The following DNAH5 variants were observed in gnomAD, a reference collection of about 807,000 sequenced individuals.
The protein encoded by DNAH5 is axonemal beta dynein heavy chain 5.
Under a neutral mutation model 518.2 loss-of-function variants are expected in DNAH5, and 372 were observed. The ratio of observed to expected loss-of-function variants is 0.72; its 90% confidence interval spans 0.66 to 0.78. DNAH5 has a LOEUF of 0.78. DNAH5 is among the 30% of genes least tolerant of loss of function. DNAH5 has a pLI of 0.00. For missense variants in DNAH5, 5,523 were observed against 5,687.0 expected (o/e 0.97, Z 0.93); for synonymous variants, 2,039 against 2,025.9 (o/e 1.01, Z -0.17).
chr5:13,969,940 G>A (rs1781763474), intron 1 of DNAH5, among the ~76,000 whole-genome samples: 1 of 152,080 alleles, frequency 6.6e-6, no homozygotes, highest in South Asian at 2.1e-4. Context: ...CATTACTAAT[G>A]TCTACTAGTA....
chr5:13,798,548 TCTC>T, intron 47 of DNAH5, among the ~76,000 whole-genome samples: 1 of 151,928 alleles, frequency 6.6e-6, no homozygotes. Flanking sequence ...TAAAATAAAT[TCTC>T]CTTCTCTTAT....
intron 6 of DNAH5, among the ~76,000 whole-genome samples, chr5:13,920,264 A>G (rs1777106377): frequency 1.3e-5 from 2 of 152,374 alleles, no homozygotes; most frequent in Non-Finnish European, 1.5e-5. Context: ...TTTGAGTGAT[A>G]TAAGTATATG....
In DNAH5 at chr5:13,916,380, T is replaced by C. The variant is rs1305527957; in HGVS notation, c.1165A>G (p.Thr389Ala). The change falls in exon 9 of 79, where the codon ACC (threonine) becomes GCC (alanine). Residue 389 changes from threonine (T) to alanine (A), a missense_variant. This residue lies in a region of DNAH5 where 5,121 missense variants were observed against 5,223.3 expected (regional missense o/e 0.98). Transcript: ENST00000265104. ...MIYSISHYYNTSEKITSLFVK... is the reference protein window; with the variant it reads ...MIYSISHYYNASEKITSLFVK... ...AACAGAGATGTGATCTTCTCAGAGG[T>C]ATTATAGTAATGAGAGATACTATAG... 3 of 1,522,452 alleles carry C rather than the reference T, an allele frequency of 2.0e-6. No homozygotes were observed. Among genetic ancestry groups the C allele is most frequent in the Middle Eastern group, 1.7e-4 (1 of 5,848 alleles). 94.3% of individuals were successfully genotyped at this position (1,522,452 alleles called of 1,614,324 possible).
chr5:13,753,990 T>C (rs148171564), intron 62 of DNAH5, among the ~76,000 whole-genome samples: 5 of 152,172 alleles, frequency 3.3e-5, no homozygotes, highest in Admixed American at 6.6e-5. Context: ...TTCTCTGAAA[T>C]GGCTGGAGGC....
At chr5:13,766,751 C>T (rs1312830314) in intron 58 of DNAH5, among the ~76,000 whole-genome samples, 1 of 152,166 alleles carries the variant, frequency 6.6e-6, no homozygotes, top group Non-Finnish European at 1.5e-5. Context: ...AGAAAAGTTC[C>T]ATTCCATTTC....
At chr5:13,833,622 A>T (rs1333395901) in intron 35 of DNAH5, among the ~76,000 whole-genome samples, 1 of 152,132 alleles carries the variant, frequency 6.6e-6, no homozygotes, top group African/African-American at 2.4e-5. Context: ...GTCCAACACT[A>T]CACAGCTGCT....
At chr5:13,738,650 T>C (rs909535684) in intron 65 of DNAH5, among the ~76,000 whole-genome samples, 1 of 151,976 alleles carries the variant, frequency 6.6e-6, no homozygotes, top group Admixed American at 6.6e-5. Flanking sequence ...ACAGAAAAGA[T>C]GGAGGTGGTG....
At chr5:13,982,971 A>G (rs1426495123) in intron 1 of DNAH5, among the ~76,000 whole-genome samples, 2 of 152,232 alleles carry the variant, frequency 1.3e-5, no homozygotes, top group Admixed American at 6.5e-5. Flanking sequence ...AAAGGGGCAT[A>G]TCTGGTAGAT....
intron 78 of DNAH5, among the ~76,000 whole-genome samples, chr5:13,694,727 GT>G (rs796359749): frequency 2.0e-5 from 3 of 152,146 alleles, no homozygotes; most frequent in African/African-American, 7.2e-5. Context: ...CTATAGAATC[GT>G]TAAGTCATTC....
chr5:13,930,028 T>C (rs149690665), intron 2 of DNAH5, among the ~76,000 whole-genome samples: 1 of 152,214 alleles, frequency 6.6e-6, no homozygotes, highest in Admixed American at 6.5e-5. Flanking sequence ...GACCGACACA[T>C]GGTAAACATT....
At chr5:13,868,860 T>C (rs1306044774) in intron 24 of DNAH5, among the ~76,000 whole-genome samples, 1 of 151,936 alleles carries the variant, frequency 6.6e-6, no homozygotes, top group Admixed American at 6.6e-5. Flanking sequence ...GCTCATAATG[T>C]GTGTGTGTGT....
chr5:13,883,858 CA>C (rs1056779851), intron 19 of DNAH5, among the ~76,000 whole-genome samples: 11 of 147,952 alleles, frequency 7.4e-5, no homozygotes, highest in South Asian at 4.3e-4. Context: ...TGGCACCAAA[CA>C]AAAAAAAAAT....
intron 74 of DNAH5, 131 bp downstream of exon 74, chr5:13,716,356 C>T: frequency 1.4e-6 from 1 of 701,974 alleles, no homozygotes; most frequent in Non-Finnish European, 2.5e-6. Context: ...AGAAAGCCTT[C>T]ACAGCAAAAG....
intron 11 of DNAH5, 84 bp from the exon 12 acceptor site, chr5:13,911,577 T>A: frequency 1.9e-6 from 2 of 1,053,520 alleles, no homozygotes; most frequent in Non-Finnish European, 2.8e-6. Flanking sequence ...GTAGAGCCTA[T>A]ACAATAATTG....
rs74979572 is a variant in DNAH5, at chr5:13,986,104, C to A, written c.12+25544G>T. On this transcript the variant is annotated intron_variant, in intron 1 of 78. Coordinates refer to the DNAH5 transcript ENST00000681290. ...CCACCAGCAAGAGACCTGGAGACAT[C>A]CCCAGTAAGTGCAAAAGCTGGACAC... Among the ~76,000 whole-genome samples the A allele has an allele frequency of 3.6e-3, 554 of 152,304 alleles. 2 individuals carry two copies. The highest frequency in any genetic ancestry group is 5.9e-3 in the Non-Finnish European group (402 of 68,034).
In DNAH5 at chr5:13,699,622, G is replaced by A. The variant is rs562674777; in HGVS notation, c.13723+1018C>T. Among the ~76,000 whole-genome samples, 421 of 152,306 alleles carry A rather than the reference G, an allele frequency of 2.8e-3. 3 individuals are homozygous for A. Among genetic ancestry groups the A allele is most frequent in the Non-Finnish European group, 4.4e-3 (302 of 68,032 alleles). On this transcript the variant is annotated intron_variant, in intron 78 of 78. Coordinates refer to ENST00000265104, the MANE Select transcript of DNAH5 (RefSeq NM_001369.3). ...CCAGCTACTCAGGAGGCTGAGGCAG[G>A]AGAATCGCTTGAACTCAGGAGTTGG...
intron 11 of DNAH5, among the ~76,000 whole-genome samples, chr5:13,913,156 A>T (rs6881752): frequency 0.44 from 66,222 of 151,818 alleles, 15,222 homozygotes; most frequent in East Asian, 0.85. Flanking sequence ...TTTAAAGCAA[A>T]TTGTTTGTAA....
chr5:13,821,375 G>A (rs7712037), intron 40 of DNAH5, among the ~76,000 whole-genome samples: 62,796 of 152,050 alleles, frequency 0.41, 13,292 homozygotes, highest in East Asian at 0.61. Flanking sequence ...CCACTGCAGA[G>A]TTTCTATCTA....
intron 38 of DNAH5, among the ~76,000 whole-genome samples, chr5:13,825,875 C>CA (rs922229693): frequency 3.0e-4 from 45 of 151,710 alleles, no homozygotes; most frequent in Admixed American, 6.6e-4. Context: ...TTTACCACAA[C>CA]AAAAAAAATG....
Sources: gnomAD v4.1 joint callset for allele counts (sites outside exome capture counted in the v4.1 genomes callset) on GRCh38, gnomAD v4.1.1 for gene constraint, gnomAD v4.1.1 regional missense constraint, MANE v1.5 for transcripts, NCBI Gene and HGNC (gene_info 2026-07-23, HGNC 2026-07-21) for gene names.